The following COL23A1 variants were observed in gnomAD, a reference collection of about 807,000 sequenced individuals.
COL23A1 encodes collagen alpha-1(XXIII) chain.
In COL23A1, 97 loss-of-function variants were observed where a neutral mutation model predicts 99.3. The ratio of observed to expected loss-of-function variants is 0.98; its 90% CI spans 0.83 to 1.16. The LOEUF (loss-of-function observed/expected upper bound fraction) is 1.16. Among genes scored for constraint, COL23A1 ranks in the 50% most tolerant of loss-of-function variants. The pLI, the probability that COL23A1 is intolerant of heterozygous loss-of-function variation, is 0.00. For synonymous variants in COL23A1, 320 were observed against 308.2 expected (o/e 1.04, Z -0.40); for missense variants, 762 against 757.4 (o/e 1.01, Z -0.07).
chr5:178,358,226 G>GTGTGTGTGTGTA (rs1313325241), intron 2 of COL23A1, among the ~76,000 whole-genome samples: 5 of 95,138 alleles, frequency 5.3e-5, no homozygotes, highest in Non-Finnish European at 8.3e-5. Context: ...TGTGTCTAAT[G>GTGTGTGTGTGTA]TGTGTATGTG....
rs114621614 is a variant in COL23A1 at position 178,312,968 on chromosome 5, G to A, written c.362-6049C>T. ...CCCAAACGTCCACGGACAGAAGAAT[G>A]AGCAAACAGAACGTGCACTGATACA... On this transcript the variant is annotated intron_variant, in intron 2 of 28. Coordinates refer to ENST00000390654, the MANE Select transcript of COL23A1 (RefSeq NM_173465.4). Among the ~76,000 whole-genome samples, 523 of 152,352 alleles carry A rather than the reference G, an allele frequency of 3.4e-3. 3 individuals carry two copies. The highest frequency in any genetic ancestry group is 0.012 in the African/African-American group (498 of 41,578).
intron 1 of COL23A1, among the ~76,000 whole-genome samples, chr5:178,582,206 CAAAAAAAAAA>C (rs11315118): frequency 3.2e-5 from 1 of 31,628 alleles, no homozygotes; most frequent in African/African-American, 9.3e-5. Flanking sequence ...GACTCTATCT[CAAAAAAAAAA>C]AAAAAAAAAA....
At chr5:178,257,436 A>G in intron 13 of COL23A1, 87 bp downstream of exon 13, 1 of 1,473,092 alleles carries the variant, frequency 6.8e-7, no homozygotes, top group Non-Finnish European at 9.3e-7. Context: ...CCGTGGTGCC[A>G]AAGGTCCAGG....
rs909919900 is a variant in COL23A1 at position 178,288,180 on chromosome 5, A to C, written c.441+144T>G. The C allele has an allele frequency of 1.5e-5, 12 of 823,462 alleles. No individual in the cohort carries two copies. The South Asian group carries it at 1.5e-4, about 10-fold the overall frequency. 51.0% of individuals were successfully genotyped at this position (823,462 alleles called of 1,614,324 possible). On this transcript the variant is annotated intron_variant, in intron 5 of 28. Coordinates refer to ENST00000390654, the MANE Select transcript of COL23A1 (RefSeq NM_173465.4). ...TGCAGCCTTTACCTCCCCAGAGCTC[A>C]CGCTAATCGCCTCCACAGAAAGACC...
chr5:178,358,020 G>GTATGTATGCGTA lies in COL23A1; in HGVS notation c.362-51102_362-51101insTACGCATACATA, dbSNP rs1554145056. ...TGTGTATATGTATGTGTGTGTATGT[G>GTATGTATGCGTA]TGTGTATGCGTATGTGTATGTGTAT... On this transcript the variant is annotated intron_variant, in intron 2 of 28. Coordinates refer to ENST00000390654, the MANE Select transcript of COL23A1 (RefSeq NM_173465.4). 4.2e-5 allele frequency among the ~76,000 whole-genome samples: 6 copies of GTATGTATGCGTA among 142,728 alleles called. No individual in the cohort carries two copies. The Admixed American group carries it at 4.2e-4, about 10-fold the overall frequency. The allele number at this position is 142,728 out of a possible 152,430, so 93.6% of individuals were successfully genotyped here.
chr5:178,588,042 G>A (rs1764089148), intron 1 of COL23A1, among the ~76,000 whole-genome samples: 1 of 152,206 alleles, frequency 6.6e-6, no homozygotes, highest in Non-Finnish European at 1.5e-5. Flanking sequence ...TAGCGAGCAG[G>A]ACCACGTGTG....
chr5:178,453,548 A>T (rs7726272), intron 2 of COL23A1, among the ~76,000 whole-genome samples: 69,794 of 151,976 alleles, frequency 0.46, 18,225 homozygotes, highest in African/African-American at 0.72. Flanking sequence ...CAGCTGACCA[A>T]GGAATCTACC....
Position 178,578,227 on chromosome 5 carries a change from C to G in COL23A1, c.294+11677G>C, listed in dbSNP as rs558357353. Among the ~76,000 whole-genome samples the G allele has an allele frequency of 5.3e-4, 80 of 151,854 alleles. 1 individual carries two copies. The highest frequency in any genetic ancestry group is 1.8e-3 in the African/African-American group (76 of 41,372). On this transcript the variant is annotated intron_variant, in intron 1 of 28. Transcript: ENST00000390654. ...ACACCCATGTACACACACATATGCACACATGCATACTCCTGGCACACACGT... is the reference window on the plus strand; with the variant it reads ...ACACCCATGTACACACACATATGCAGACATGCATACTCCTGGCACACACGT...
chr5:178,423,108 A>G (rs1339118224), intron 2 of COL23A1, among the ~76,000 whole-genome samples: 1 of 152,120 alleles, frequency 6.6e-6, no homozygotes, highest in Non-Finnish European at 1.5e-5. Context: ...CTGGGACCCC[A>G]GGCACACATC....
chr5:178,553,128 C>G (rs907623863), intron 2 of COL23A1, among the ~76,000 whole-genome samples: 4 of 150,234 alleles, frequency 2.7e-5, no homozygotes, highest in African/African-American at 9.9e-5. Context: ...CGTGACTGCA[C>G]CACTGCACTT....
At chr5:178,446,786 A>T (rs923043945) in intron 2 of COL23A1, among the ~76,000 whole-genome samples, 1 of 152,124 alleles carries the variant, frequency 6.6e-6, no homozygotes, top group African/African-American at 2.4e-5. Flanking sequence ...TGTTCACTGC[A>T]ATACTGCTTG....
chr5:178,588,999 C>A (rs1036442730), intron 1 of COL23A1, among the ~76,000 whole-genome samples: 2 of 152,180 alleles, frequency 1.3e-5, no homozygotes, highest in African/African-American at 4.8e-5. Context: ...GCCAGCCCAC[C>A]AGGGCCTGTC....
At position 178,255,131 on chromosome 5, in the gene COL23A1, G is replaced by T; in HGVS notation, c.883-105C>A. 2 of 957,004 alleles carry T rather than the reference G, an allele frequency of 2.1e-6. No homozygotes were observed. The highest frequency in any genetic ancestry group is 1.6e-5 in the African/African-American group (1 of 62,160). 59.3% of individuals were successfully genotyped at this position (957,004 alleles called of 1,614,324 possible). A position where few individuals can be genotyped will look rare whatever the true frequency, so the allele number is the denominator to read the frequency against. Reference sequence around the variant, plus strand: ...CATCCAGAGAGAAAGCAATGGAAGAGCCTCGTCACCCAGGCTGCACGCATG... The same window carrying T: ...CATCCAGAGAGAAAGCAATGGAAGATCCTCGTCACCCAGGCTGCACGCATG... On this transcript the variant is annotated intron_variant, in intron 15 of 28. Coordinates refer to ENST00000390654, the MANE Select transcript of COL23A1 (RefSeq NM_173465.4). The surrounding 1 kb of genome is among the most constrained non-coding windows in gnomAD (Gnocchi z 4.2).
chr5:178,471,901 C>T (rs78215667), intron 2 of COL23A1, among the ~76,000 whole-genome samples: 1,907 of 152,252 alleles, frequency 0.013, 39 homozygotes, highest in African/African-American at 0.044. Flanking sequence ...CCGGTGCTTC[C>T]CCATATGGTC....
At chr5:178,475,085 G>A (rs1028772702) in intron 2 of COL23A1, among the ~76,000 whole-genome samples, 38 of 152,110 alleles carry the variant, frequency 2.5e-4, no homozygotes, top group Admixed American at 3.9e-4. Context: ...CTGTCTCTGC[G>A]TCTAAATTTC....
chr5:178,532,152 A>G (rs1386581138), intron 2 of COL23A1, among the ~76,000 whole-genome samples: 2 of 152,240 alleles, frequency 1.3e-5, no homozygotes, highest in African/African-American at 4.8e-5. Context: ...ACCTCCATCC[A>G]GAATCGAAAA....
intron 3 of COL23A1, among the ~76,000 whole-genome samples, chr5:178,298,313 G>A (rs978808510): frequency 3.3e-5 from 5 of 152,302 alleles, no homozygotes; most frequent in Non-Finnish European, 7.4e-5. Flanking sequence ...TGCTTGTTGT[G>A]TTACCAGGTA....
chr5:178,417,025 G>A (rs891232427), intron 2 of COL23A1, among the ~76,000 whole-genome samples: 3 of 152,174 alleles, frequency 2.0e-5, no homozygotes, highest in African/African-American at 7.2e-5. Flanking sequence ...TAGGGGCCTT[G>A]TGCAGTTCAG....
chr5:178,426,973 G>T (rs1765974363), intron 2 of COL23A1, among the ~76,000 whole-genome samples: 1 of 152,186 alleles, frequency 6.6e-6, no homozygotes, highest in African/African-American at 2.4e-5. Flanking sequence ...GAGGCAGGTG[G>T]ATCACTTGAG....
Sources: gnomAD v4.1 joint callset for allele counts (sites outside exome capture counted in the v4.1 genomes callset) on GRCh38, gnomAD v4.1.1 for gene constraint, Gnocchi (gnomAD v3.1) non-coding constraint, MANE v1.5 for transcripts, NCBI Gene and HGNC (gene_info 2026-07-23, HGNC 2026-07-21) for gene names.